AKAP19: variants seen among roughly 807,000 people sequenced by gnomAD.
The protein encoded by AKAP19 is A-kinase anchoring protein 19.
At chr2:190,035,957 T>G in the AKAP19 span, among the ~76,000 whole-genome samples, 2 of 152,194 alleles carry the variant, frequency 1.3e-5, no homozygotes, top group African/African-American at 4.8e-5. Flanking sequence ...GATTATGTGA[T>G]GGGTGTGTTT....
the AKAP19 span, among the ~76,000 whole-genome samples, chr2:190,151,800 A>G: frequency 1.3e-5 from 2 of 152,004 alleles, no homozygotes; most frequent in Non-Finnish European, 2.9e-5. Context: ...CCAGGAGTTC[A>G]AGACCAGCCT....
the AKAP19 span, among the ~76,000 whole-genome samples, chr2:189,950,334 G>GTTTTTTTTTTT: frequency 7.3e-6 from 1 of 137,544 alleles, no homozygotes; most frequent in Non-Finnish European, 1.5e-5. Context: ...AGCCTTTTTT[G>GTTTTTTTTTTT]TTTTTTTTTT....
At chr2:189,995,387 A>C in the AKAP19 span, among the ~76,000 whole-genome samples, 19 of 152,046 alleles carry the variant, frequency 1.2e-4, no homozygotes, top group African/African-American at 4.6e-4. Context: ...GTCTTTTTTA[A>C]CTGTTGTGGC....
chr2:189,978,098 T>C, the AKAP19 span, among the ~76,000 whole-genome samples: 1 of 152,234 alleles, frequency 6.6e-6, no homozygotes, highest in Non-Finnish European at 1.5e-5. Flanking sequence ...ATTAAATGCA[T>C]TTAAAAAATA....
At chr2:190,178,127 C>T in the AKAP19 span, among the ~76,000 whole-genome samples, 2 of 152,304 alleles carry the variant, frequency 1.3e-5, no homozygotes, top group South Asian at 2.1e-4. The surrounding 1 kb of genome is among the most constrained non-coding windows in gnomAD (Gnocchi z 6.3). Context: ...CCTGTTGCCT[C>T]TATCCTTGTT....
the AKAP19 span, chr2:190,199,926 TGA>T: frequency 1.2e-6 from 2 of 1,614,076 alleles, no homozygotes; most frequent in Non-Finnish European, 1.7e-6. Context: ...AGAAGCAGCA[TGA>T]GAGTGAAGAA....
the AKAP19 span, among the ~76,000 whole-genome samples, chr2:190,161,898 A>G: frequency 6.6e-6 from 1 of 152,168 alleles, no homozygotes; most frequent in African/African-American, 2.4e-5. Context: ...TTCTCTAATC[A>G]CTGCCAGACA....
the AKAP19 span, among the ~76,000 whole-genome samples, chr2:190,072,441 C>G: frequency 6.6e-6 from 1 of 152,040 alleles, no homozygotes. Flanking sequence ...ATAGTAGTAG[C>G]AGACTTTAAT....
chr2:190,147,811 G>A, the AKAP19 span, among the ~76,000 whole-genome samples: 1 of 151,788 alleles, frequency 6.6e-6, no homozygotes, highest in Non-Finnish European at 1.5e-5. Context: ...TTCTCTGCTT[G>A]GTTGCTGTTG....
chr2:189,992,611 C>T, the AKAP19 span, among the ~76,000 whole-genome samples: 1 of 152,070 alleles, frequency 6.6e-6, no homozygotes, highest in African/African-American at 2.4e-5. Context: ...TTGCTTTTGG[C>T]AATATGGTCA....
chr2:190,143,993 G>A, the AKAP19 span, among the ~76,000 whole-genome samples: 1 of 132,442 alleles, frequency 7.6e-6, no homozygotes. Context: ...GACACAGGAA[G>A]GGGAATATCA....
chr2:189,928,992 C>T, the AKAP19 span, among the ~76,000 whole-genome samples: 3 of 151,998 alleles, frequency 2.0e-5, no homozygotes, highest in Admixed American at 2.0e-4. Flanking sequence ...ATGTCTTTAC[C>T]TCTAACACTT....
chr2:189,919,306 T>C, the AKAP19 span, among the ~76,000 whole-genome samples: 3 of 152,204 alleles, frequency 2.0e-5, no homozygotes, highest in Non-Finnish European at 4.4e-5. Flanking sequence ...TAAAAATGTC[T>C]TGGAACTAAA....
At chr2:190,191,400 C>T in the AKAP19 span, among the ~76,000 whole-genome samples, 2 of 152,234 alleles carry the variant, frequency 1.3e-5, no homozygotes, top group Non-Finnish European at 2.9e-5. Context: ...CCACCAAGGC[C>T]TCCCAAAATA....
chr2:190,076,250 T>G, the AKAP19 span, among the ~76,000 whole-genome samples: 1 of 152,218 alleles, frequency 6.6e-6, no homozygotes, highest in African/African-American at 2.4e-5. Flanking sequence ...GGGGTTATGC[T>G]GTGTATTGTA....
At chr2:190,195,699 G>A in the AKAP19 span, among the ~76,000 whole-genome samples, 1 of 151,840 alleles carries the variant, frequency 6.6e-6, no homozygotes, top group Non-Finnish European at 1.5e-5. Context: ...TTTTCTCCCA[G>A]TCTGTGGCTT....
the AKAP19 span, among the ~76,000 whole-genome samples, chr2:190,196,006 T>G: frequency 1.4e-5 from 2 of 141,254 alleles, no homozygotes; most frequent in Non-Finnish European, 3.0e-5. Context: ...TTGAAAAGAC[T>G]ATGTATGTGT....
the AKAP19 span, among the ~76,000 whole-genome samples, chr2:189,915,678 A>G: frequency 6.6e-6 from 1 of 152,128 alleles, no homozygotes; most frequent in Admixed American, 6.5e-5. Context: ...ACTGATGAGA[A>G]TGCTTATAAG....
chr2:190,187,349 TA>T, the AKAP19 span, among the ~76,000 whole-genome samples: 1 of 151,714 alleles, frequency 6.6e-6, no homozygotes, highest in Non-Finnish European at 1.5e-5. Flanking sequence ...ATCCAGTGTT[TA>T]AGATGGACTT....
Sources: allele counts gnomAD v4.1 joint callset (sites outside exome capture counted in the v4.1 genomes callset), GRCh38; gene constraint gnomAD v4.1.1; non-coding constraint Gnocchi (gnomAD v3.1); transcripts MANE v1.5; gene names NCBI Gene and HGNC (gene_info 2026-07-23, HGNC 2026-07-21).